Variants in PRKCQ observed in about 807,000 individuals in gnomAD.
The protein encoded by PRKCQ is protein kinase C theta, also known as protein kinase C theta type.
A neutral mutation model predicts 91.2 loss-of-function variants in PRKCQ; 41 were observed. The ratio of observed to expected loss-of-function variants is 0.45; its 90% confidence interval spans 0.35 to 0.58. The LOEUF (loss-of-function observed/expected upper bound fraction) is 0.58. Ranked by LOEUF, PRKCQ falls within the 20% of genes least tolerant of loss-of-function variation. The probability of loss-of-function intolerance (pLI) is 0.00; values close to 1 mark genes in which losing one functional copy is unlikely to be tolerated. For synonymous variants in PRKCQ, 307 were observed against 316.9 expected (o/e 0.97, Z 0.33); for missense variants, 673 against 896.5 (o/e 0.75, Z 3.18).
the PRKCQ span, among the ~76,000 whole-genome samples, chr10:6,409,180 G>GA: frequency 6.6e-6 from 1 of 152,252 alleles, no homozygotes; most frequent in East Asian, 1.9e-4. Context: ...GAGGACAGTG[G>GA]AAAAAGAATG....
intron 12 of PRKCQ, 84 bp downstream of exon 12, chr10:6,478,908 G>T: frequency 6.9e-7 from 1 of 1,447,350 alleles, no homozygotes; most frequent in Non-Finnish European, 9.4e-7. Context: ...GCAATGACTC[G>T]TGTCTCCTAA....
chr10:6,511,408 T>C (rs1838470373), intron 2 of PRKCQ, among the ~76,000 whole-genome samples: 1 of 152,156 alleles, frequency 6.6e-6, no homozygotes, highest in Non-Finnish European at 1.5e-5. Flanking sequence ...ACCTTATAAG[T>C]CCAGCGTTGA....
At chr10:6,453,131 C>T (rs1206985438) in intron 15 of PRKCQ, among the ~76,000 whole-genome samples, 2 of 148,828 alleles carry the variant, frequency 1.3e-5, no homozygotes, top group Admixed American at 6.7e-5. Flanking sequence ...TCAGAGTGAA[C>T]AGGCAACCTA....
chr10:6,496,574 G>A (rs771064061), intron 7 of PRKCQ, among the ~76,000 whole-genome samples: 16 of 152,048 alleles, frequency 1.1e-4, no homozygotes, highest in Admixed American at 2.0e-4. Flanking sequence ...TATGCTTTCT[G>A]GCCACTTTCT....
At chr10:6,397,871 G>C in the PRKCQ span, among the ~76,000 whole-genome samples, 1 of 152,164 alleles carries the variant, frequency 6.6e-6, no homozygotes, top group Non-Finnish European at 1.5e-5. Context: ...GTTGTAGTGA[G>C]CTGAGATCGT....
At chr10:6,479,571 C>T (rs970456178) in intron 11 of PRKCQ, among the ~76,000 whole-genome samples, 6 of 152,052 alleles carry the variant, frequency 3.9e-5, no homozygotes, top group Middle Eastern at 3.4e-3. Context: ...CCTAGCTTTA[C>T]GTTTTACCCA....
chr10:6,495,547 C>CTAT (rs1443257387), intron 7 of PRKCQ, among the ~76,000 whole-genome samples: 4 of 152,252 alleles, frequency 2.6e-5, no homozygotes, highest in Non-Finnish European at 5.9e-5. Flanking sequence ...TTACTCTCCA[C>CTAT]CTTGCACCTT....
At chr10:6,426,563 A>C (rs1833127841), downstream of PRKCQ, among the ~76,000 whole-genome samples, 1 of 152,194 alleles carries the variant, frequency 6.6e-6, no homozygotes, top group South Asian at 2.1e-4. Flanking sequence ...ACACATCTGA[A>C]GATAGATGCC....
chr10:6,571,752 C>T (rs932921165), intron 1 of PRKCQ, among the ~76,000 whole-genome samples: 7 of 152,050 alleles, frequency 4.6e-5, no homozygotes, highest in Non-Finnish European at 7.4e-5. Flanking sequence ...TGCAGTGAGC[C>T]GAGATTGAGT....
intron 16 of PRKCQ, among the ~76,000 whole-genome samples, chr10:6,441,534 C>T (rs1423211047): frequency 5.3e-5 from 8 of 152,032 alleles, no homozygotes. Flanking sequence ...ACACTTCCAA[C>T]TTCAATCCTC....
At chr10:6,482,271 G>A (rs369466035) in intron 11 of PRKCQ, among the ~76,000 whole-genome samples, 1 of 152,120 alleles carries the variant, frequency 6.6e-6, no homozygotes, top group Non-Finnish European at 1.5e-5. Context: ...ATTAAGGCAG[G>A]TCCTAATCCA....
chr10:6,464,867 A>G (rs1835559812), intron 12 of PRKCQ, among the ~76,000 whole-genome samples: 1 of 152,188 alleles, frequency 6.6e-6, no homozygotes, highest in Non-Finnish European at 1.5e-5. Context: ...AGACTGTCAA[A>G]ATCATTTAAA....
intron 1 of PRKCQ, among the ~76,000 whole-genome samples, chr10:6,557,428 T>C (rs1244878311): frequency 6.6e-6 from 1 of 152,226 alleles, no homozygotes; most frequent in African/African-American, 2.4e-5. Flanking sequence ...GTCTTCCTCC[T>C]TGACACTGCA....
chr10:6,558,848 A>AG (rs779643695), intron 1 of PRKCQ, among the ~76,000 whole-genome samples: 5 of 152,192 alleles, frequency 3.3e-5, no homozygotes, highest in Admixed American at 1.3e-4. Context: ...GTGTAAGAGA[A>AG]GGGGGCGACG....
intron 15 of PRKCQ, among the ~76,000 whole-genome samples, chr10:6,445,307 G>C (rs1268236658): frequency 6.6e-6 from 1 of 152,054 alleles, no homozygotes; most frequent in African/African-American, 2.4e-5. Flanking sequence ...GTGAGGCCCA[G>C]GGGTGCTGTG....
At chr10:6,545,668 C>T (rs763740588) in intron 1 of PRKCQ, among the ~76,000 whole-genome samples, 7 of 152,020 alleles carry the variant, frequency 4.6e-5, no homozygotes, top group Admixed American at 1.3e-4. Flanking sequence ...TGCGTGGTGG[C>T]GATGGTTGCA....
At chr10:6,568,692 G>T (rs1169679382) in intron 1 of PRKCQ, among the ~76,000 whole-genome samples, 1 of 151,978 alleles carries the variant, frequency 6.6e-6, no homozygotes, top group African/African-American at 2.4e-5. Context: ...TAGAGACGGG[G>T]TTTCACTGCA....
chr10:6,545,317 A>T (rs1035322752), intron 1 of PRKCQ, among the ~76,000 whole-genome samples: 3 of 152,230 alleles, frequency 2.0e-5, no homozygotes, highest in African/African-American at 7.2e-5. Flanking sequence ...TTAAATCCTC[A>T]CAACAACCTT....
At chr10:6,558,345 A>G (rs1840499782) in intron 1 of PRKCQ, among the ~76,000 whole-genome samples, 1 of 152,214 alleles carries the variant, frequency 6.6e-6, no homozygotes, top group African/African-American at 2.4e-5. Flanking sequence ...CTTACACACT[A>G]CTAAAGATGT....
Sources: allele counts gnomAD v4.1 joint callset (sites outside exome capture counted in the v4.1 genomes callset), GRCh38; gene constraint gnomAD v4.1.1; transcripts MANE v1.5; gene names NCBI Gene and HGNC (gene_info 2026-07-23, HGNC 2026-07-21).